Variants in NPIPB2 observed in about 807,000 individuals in gnomAD.
NPIPB2 encodes the protein nuclear pore complex interacting protein family member B2.
NPIPB2 carries 27 observed loss-of-function variants against 30.8 expected under a neutral mutation model. That is an observed-to-expected ratio of 0.88 (90% confidence interval 0.65 to 1.21). The LOEUF (loss-of-function observed/expected upper bound fraction) is 1.21, where lower values mean the gene tolerates loss of function less well. Among genes scored for constraint, NPIPB2 ranks in the 50% most tolerant of loss-of-function variants. The pLI is 0.00. For missense variants in NPIPB2, 440 were observed against 446.2 expected (o/e 0.99, Z 0.13); for synonymous variants, 147 against 162.0 (o/e 0.91, Z 0.70).
At chr16:11,955,024 G>A (rs1003444550) in intron 1 of NPIPB2, among the ~76,000 whole-genome samples, 12 of 151,852 alleles carry the variant, frequency 7.9e-5, no homozygotes, top group Non-Finnish European at 1.6e-4. Flanking sequence ...ATCTATACAC[G>A]TACCTACATC....
chr16:11,967,947 T>TA (rs1439149552), intron 1 of NPIPB2: 6 of 1,362,354 alleles, frequency 4.4e-6, no homozygotes, highest in South Asian at 1.4e-5. Flanking sequence ...CAGTTGCCGA[T>TA]ACAGCTTTTT....
intron 1 of NPIPB2, among the ~76,000 whole-genome samples, chr16:11,951,619 T>C (rs56411410): frequency 6.7e-4 from 78 of 115,848 alleles, no homozygotes; most frequent in South Asian, 2.5e-3. Context: ...ACACTGCACA[T>C]ACACATACAC....
upstream of NPIPB2, among the ~76,000 whole-genome samples, chr16:11,944,075 T>G (rs2054975277): frequency 6.7e-6 from 1 of 150,206 alleles, no homozygotes; most frequent in Non-Finnish European, 1.5e-5. Flanking sequence ...GCTGTGATAC[T>G]CGGTACATTA....
At chr16:11,975,920 C>G (rs955493623) in intron 1 of NPIPB2, among the ~76,000 whole-genome samples, 1 of 151,608 alleles carries the variant, frequency 6.6e-6, no homozygotes, top group Non-Finnish European at 1.5e-5. Context: ...AAACCTAATT[C>G]AGATCGTATC....
intron 1 of NPIPB2, among the ~76,000 whole-genome samples, chr16:11,954,579 G>A (rs1478154264): frequency 2.0e-5 from 3 of 151,736 alleles, no homozygotes; most frequent in Non-Finnish European, 4.4e-5. Context: ...AAAAAGACTC[G>A]ATACATATTG....
At chr16:11,959,089 G>C (rs1408512770) in intron 1 of NPIPB2, among the ~76,000 whole-genome samples, 2 of 152,198 alleles carry the variant, frequency 1.3e-5, no homozygotes, top group Non-Finnish European at 2.9e-5. Flanking sequence ...GGCAGAAGCA[G>C]CTTTAATGGC....
At chr16:11,976,423 C>G in intron 1 of NPIPB2, 1 of 219,548 alleles carries the variant, frequency 4.6e-6, no homozygotes, top group East Asian at 9.3e-5. Context: ...CGCTTTGTCC[C>G]GTTCCTCTAT....
exon 8 of NPIPB2, chr16:11,927,875 C>G: frequency 8.9e-7 from 1 of 1,123,120 alleles, no homozygotes; most frequent in Non-Finnish European, 1.2e-6. Flanking sequence ...TGCCGCCATT[C>G]TGACCTGTAG....
chr16:11,949,832 CCA>C (rs1265522676), intron 1 of NPIPB2, among the ~76,000 whole-genome samples: 13 of 152,122 alleles, frequency 8.5e-5, no homozygotes, highest in African/African-American at 3.1e-4. Context: ...TCACTTGAAG[CCA>C]GTTTCCCCCA....
intron 1 of NPIPB2, among the ~76,000 whole-genome samples, chr16:11,956,401 A>G (rs574179178): frequency 6.6e-6 from 1 of 152,252 alleles, no homozygotes; most frequent in Non-Finnish European, 1.5e-5. Context: ...TCTTGCCGGG[A>G]GCAGTGGCTC....
chr16:11,973,020 C>G (rs982354755), intron 1 of NPIPB2, among the ~76,000 whole-genome samples: 3 of 151,510 alleles, frequency 2.0e-5, no homozygotes, highest in Non-Finnish European at 4.4e-5. Context: ...ATTAGCCGGG[C>G]GCGGTGGCAC....
At chr16:11,947,318 T>A (rs373996119) in intron 1 of NPIPB2, among the ~76,000 whole-genome samples, 17 of 47,610 alleles carry the variant, frequency 3.6e-4, no homozygotes, top group Admixed American at 7.4e-4. Flanking sequence ...ATTTATTTAT[T>A]TATTTATATA....
chr16:11,947,357 T>G (rs948549270), intron 1 of NPIPB2, among the ~76,000 whole-genome samples: 27 of 149,348 alleles, frequency 1.8e-4, no homozygotes, highest in Non-Finnish European at 2.2e-4. Flanking sequence ...TATTATTTAT[T>G]TTTGAGAGAT....
chr16:11,965,175 AG>A, intron 1 of NPIPB2: 1 of 904,716 alleles, frequency 1.1e-6, no homozygotes, highest in Non-Finnish European at 1.7e-6. Context: ...AGACACAGAC[AG>A]CCCCCGTAAG....
intron 1 of NPIPB2, among the ~76,000 whole-genome samples, chr16:11,960,973 C>A (rs2150935742): frequency 6.6e-6 from 1 of 151,764 alleles, no homozygotes; most frequent in African/African-American, 2.4e-5. Context: ...TTCAAACGAT[C>A]CTCCTGCCTC....
At chr16:11,962,854 G>T (rs1272230397) in intron 1 of NPIPB2, among the ~76,000 whole-genome samples, 1 of 151,866 alleles carries the variant, frequency 6.6e-6, no homozygotes, top group East Asian at 1.9e-4. Flanking sequence ...GGATCACGAG[G>T]TCAGGAGACT....
upstream of NPIPB2, among the ~76,000 whole-genome samples, chr16:11,945,226 A>C (rs2054993642): frequency 6.6e-6 from 1 of 151,924 alleles, no homozygotes; most frequent in South Asian, 2.1e-4. Flanking sequence ...ATATATAAAA[A>C]GATATAATAG....
At chr16:11,960,092 A>C (rs1332634150) in intron 1 of NPIPB2, among the ~76,000 whole-genome samples, 1 of 151,738 alleles carries the variant, frequency 6.6e-6, no homozygotes, top group Non-Finnish European at 1.5e-5. Flanking sequence ...TGTGTTTTTC[A>C]CTTAGTGATT....
At chr16:11,965,442 T>C in intron 1 of NPIPB2, 1 of 1,614,184 alleles carries the variant, frequency 6.2e-7, no homozygotes, top group Non-Finnish European at 8.5e-7. Flanking sequence ...ATGTCAGCGT[T>C]ATTGTAATGC....
Sources: allele counts gnomAD v4.1 joint callset (sites outside exome capture counted in the v4.1 genomes callset), GRCh38; gene constraint gnomAD v4.1.1; transcripts MANE v1.5; gene names NCBI Gene and HGNC (gene_info 2026-07-23, HGNC 2026-07-21).